Variants in RNF216 observed in about 807,000 individuals in gnomAD.
RNF216 encodes ring finger protein 216, also known as E3 ubiquitin-protein ligase RNF216.
In RNF216, 72 loss-of-function variants were observed where a neutral mutation model predicts 110.8. The ratio of observed to expected loss-of-function variants is 0.65; its 90% CI spans 0.54 to 0.79. The LOEUF (loss-of-function observed/expected upper bound fraction) is 0.79, where lower values mean the gene tolerates loss of function less well. Ranked by LOEUF, RNF216 falls within the 30% of genes least tolerant of loss-of-function variation. The pLI, the probability that RNF216 is intolerant of heterozygous loss-of-function variation, is 0.00. For missense variants in RNF216, 1,342 were observed against 1,141.2 expected (o/e 1.18, Z -2.54); for synonymous variants, 495 against 407.5 (o/e 1.21, Z -2.59).
chr7:5,653,234 T>C (rs1416565734), intron 13 of RNF216, among the ~76,000 whole-genome samples: 2 of 152,130 alleles, frequency 1.3e-5, no homozygotes, highest in Non-Finnish European at 2.9e-5. Flanking sequence ...ACCTTTATTC[T>C]AGGATCCTTC....
intron 15 of RNF216, among the ~76,000 whole-genome samples, chr7:5,637,174 G>C (rs1005859460): frequency 6.6e-6 from 1 of 152,178 alleles, no homozygotes; most frequent in African/African-American, 2.4e-5. Flanking sequence ...GGGCTGAGGA[G>C]GTGAGTCAGC....
intron 13 of RNF216, among the ~76,000 whole-genome samples, chr7:5,670,077 C>A (rs1452286234): frequency 3.9e-5 from 6 of 152,052 alleles, no homozygotes; most frequent in Admixed American, 3.9e-4. Context: ...CAGGCACGCA[C>A]CACCATGCCC....
At chr7:5,730,902 A>T (rs1354500691) in intron 5 of RNF216, 85 bp from the exon 6 acceptor site, 1 of 1,556,454 alleles carries the variant, frequency 6.4e-7, no homozygotes, top group Non-Finnish European at 8.7e-7. Context: ...TGAAGAATAT[A>T]GTCCTTAGTC....
In RNF216 at chr7:5,741,723, C is replaced by A; in HGVS notation, c.294G>T (p.Lys98Asn). The A allele has an allele frequency of 2.5e-6, 4 of 1,614,154 alleles. No individual in the cohort carries two copies. Among genetic ancestry groups the A allele is most frequent in the Non-Finnish European group, 3.4e-6 (4 of 1,180,028 alleles). The change falls in exon 4 of 17, where the codon AAG becomes AAT. Residue 98 changes from lysine (K) to asparagine (N), a missense_variant. Transcript: ENST00000389902. ...TATCTGATTCAAATGCTGCTCTAGA[C>A]TTTTTAGGCCTTTCTTCTCCCAACC... is the stretch of plus-strand genomic sequence containing the variant. ...LKRLGEERPK[K>N]SRAAFESDKS...
At chr7:5,754,844 A>G (rs1795534187) in intron 2 of RNF216, among the ~76,000 whole-genome samples, 1 of 152,110 alleles carries the variant, frequency 6.6e-6, no homozygotes, top group African/African-American at 2.4e-5. Context: ...CCTGGCCAAC[A>G]TGGTAAAACC....
At chr7:5,716,502 G>C (rs566316500) in intron 10 of RNF216, among the ~76,000 whole-genome samples, 35 of 151,846 alleles carry the variant, frequency 2.3e-4, no homozygotes, top group Non-Finnish European at 4.4e-4. Flanking sequence ...TTTTTAACAG[G>C]AACATCTATT....
chr7:5,629,860 G>A (rs1240986042), intron 15 of RNF216, among the ~76,000 whole-genome samples: 7 of 151,422 alleles, frequency 4.6e-5, no homozygotes, highest in African/African-American at 1.5e-4. Flanking sequence ...GAGGGAGGGA[G>A]GGTTTAGGAT....
chr7:5,677,848 G>A (rs1217561718), intron 13 of RNF216, among the ~76,000 whole-genome samples: 2 of 152,196 alleles, frequency 1.3e-5, no homozygotes, highest in Non-Finnish European at 2.9e-5. Flanking sequence ...GGGGAAGGAG[G>A]ATACTGGAAT....
At chr7:5,681,843 GA>G (rs1172879238) in intron 13 of RNF216, among the ~76,000 whole-genome samples, 2 of 152,212 alleles carry the variant, frequency 1.3e-5, no homozygotes, top group Non-Finnish European at 2.9e-5. Context: ...AGGAGGATAG[GA>G]GGTGAAAAGG....
intron 16 of RNF216, among the ~76,000 whole-genome samples, 195 bp downstream of exon 16, chr7:5,623,856 AACTAT>A (rs1036127784): frequency 2.6e-5 from 4 of 152,194 alleles, no homozygotes; most frequent in Admixed American, 1.3e-4. Flanking sequence ...GAGATGCCAA[AACTAT>A]ATTCAAGGCG....
Position 5,741,005 on chromosome 7 carries a change from G to C in RNF216, c.1012C>G (p.Gln338Glu), listed in dbSNP as rs762177929. The C allele has an allele frequency of 1.9e-6, 3 of 1,611,160 alleles. No individual in the cohort carries two copies. The highest frequency in any genetic ancestry group is 1.1e-5 in the South Asian group (1 of 90,502). The change falls in exon 4 of 17, where the codon CAA becomes GAA. Residue 338 changes from glutamine to glutamate, a missense_variant. Transcript: ENST00000389902. ...TTCACTAGTAGTTCAACGAGCTCTT[G>C]ATCTACCTCTGCAGCTTCTTGCCCC... is the stretch of plus-strand genomic sequence containing the variant. ...IWGQEAAEVD[Q>E]ELVELLVKET...
chr7:5,718,531 C>T (rs1326502020), intron 9 of RNF216, among the ~76,000 whole-genome samples: 1 of 151,292 alleles, frequency 6.6e-6, no homozygotes, highest in Non-Finnish European at 1.5e-5. Context: ...TCAAAACAAA[C>T]AGAAAGAAAT....
chr7:5,756,985 A>C (rs1795678565), intron 2 of RNF216, among the ~76,000 whole-genome samples: 1 of 152,148 alleles, frequency 6.6e-6, no homozygotes, highest in Non-Finnish European at 1.5e-5. Context: ...GTTTTCCTCA[A>C]AACATGGCAT....
chr7:5,729,877 T>G (rs556742229), intron 6 of RNF216, among the ~76,000 whole-genome samples: 2 of 152,294 alleles, frequency 1.3e-5, no homozygotes, highest in South Asian at 4.1e-4. Flanking sequence ...TACGAACAAC[T>G]ATTTTTTTTC....
Position 5,623,063 on chromosome 7 carries a change from A to G in RNF216, c.2569T>C (p.Tyr857His). 1.2e-6 allele frequency: 2 copies of G among 1,613,638 alleles called. No individual in the cohort carries two copies. Among genetic ancestry groups the G allele is most frequent in the Non-Finnish European group, 1.7e-6 (2 of 1,179,620 alleles). The change falls in exon 17 of 17, where the codon TAT (tyrosine) becomes CAT (histidine). Residue 857 changes from tyrosine (Y) to histidine (H), a missense_variant. Tyr to His is a moderately conservative substitution (Grantham distance 83). Transcript: ENST00000389902. ...QNLPQPQMPP[Y>H]AFAHPPFPLP... ...GGGAAGGGTGGGTGCGCGAAGGCATAGGGTGGCATCTGTGGCTGTGGCAGG... is the reference window on the plus strand; with the variant it reads ...GGGAAGGGTGGGTGCGCGAAGGCATGGGGTGGCATCTGTGGCTGTGGCAGG...
At chr7:5,758,453 T>C (rs370744030) in intron 2 of RNF216, among the ~76,000 whole-genome samples, 7 of 152,330 alleles carry the variant, frequency 4.6e-5, no homozygotes, top group Non-Finnish European at 4.4e-5. Context: ...AGTTGACTCT[T>C]GAGCAACACT....
At chr7:5,699,792 G>A (rs1486141844) in intron 13 of RNF216, among the ~76,000 whole-genome samples, 4 of 152,244 alleles carry the variant, frequency 2.6e-5, no homozygotes, top group African/African-American at 9.6e-5. Context: ...CACAGATACA[G>A]ACGCACATTT....
At chr7:5,720,441 C>T (rs1050264274) in intron 9 of RNF216, among the ~76,000 whole-genome samples, 3 of 152,166 alleles carry the variant, frequency 2.0e-5, no homozygotes, top group African/African-American at 4.8e-5. Context: ...ACATACCAAA[C>T]GTGCTCATCG....
Position 5,622,280 on chromosome 7 carries a change from A to G in RNF216, c.*580T>C, listed in dbSNP as rs1786415788. 1 of 152,716 alleles carries G rather than the reference A, an allele frequency of 6.5e-6. No individual in the cohort carries two copies. Among genetic ancestry groups the G allele is most frequent in the Non-Finnish European group, 1.5e-5 (1 of 68,408 alleles). The allele number at this position is 152,716 out of a possible 1,614,324, so 9.5% of individuals were successfully genotyped here. The stretch of plus-strand genomic sequence containing the variant: ...GATGGGTCTGCTGCTGCCTCATCTG[A>G]GTAGGTGTAAGAGGGGAGGAGAGGT... On this transcript the variant is annotated 3_prime_UTR_variant, in exon 17 of 17. Transcript: ENST00000389902.
Sources: gnomAD v4.1 joint callset for allele counts (sites outside exome capture counted in the v4.1 genomes callset) on GRCh38, gnomAD v4.1.1 for gene constraint, MANE v1.5 for transcripts, NCBI Gene and HGNC (gene_info 2026-07-23, HGNC 2026-07-21) for gene names.